Variants in WDR7 observed in about 807,000 individuals in gnomAD.
WDR7 encodes the protein WD repeat-containing protein 7.
WDR7 carries 46 observed loss-of-function variants against 169.4 expected under a neutral mutation model. That is an observed-to-expected ratio of 0.27 (90% CI 0.21 to 0.35). WDR7 has a LOEUF of 0.35. WDR7 is among the 10% of genes least tolerant of loss of function. The pLI, the probability that WDR7 is intolerant of heterozygous loss-of-function variation, is 1.00. For synonymous variants in WDR7, 612 were observed against 666.8 expected (o/e 0.92, Z 1.27); for missense variants, 1,534 against 1,859.3 (o/e 0.83, Z 3.22).
chr18:56,788,575 T>C (rs1473250194), intron 19 of WDR7, among the ~76,000 whole-genome samples: 6 of 152,168 alleles, frequency 3.9e-5, no homozygotes, highest in Non-Finnish European at 8.8e-5. Flanking sequence ...GTGCTGTCCC[T>C]CTTGGTTCCT....
chr18:56,880,970 A>G (rs1030444967), intron 21 of WDR7, among the ~76,000 whole-genome samples: 1 of 152,234 alleles, frequency 6.6e-6, no homozygotes, highest in Non-Finnish European at 1.5e-5. Context: ...ATATAGTCCA[A>G]CTGAATACAT....
chr18:56,965,536 A>G (rs1354733066), intron 26 of WDR7, among the ~76,000 whole-genome samples: 1 of 151,804 alleles, frequency 6.6e-6, no homozygotes, highest in Non-Finnish European at 1.5e-5. Flanking sequence ...TGAAATATGA[A>G]TTGTCCTTAT....
At chr18:56,741,137 C>A (rs77955550) in intron 14 of WDR7, among the ~76,000 whole-genome samples, 5,852 of 152,078 alleles carry the variant, frequency 0.038, 344 homozygotes, top group African/African-American at 0.13. Context: ...GCTATGAATG[C>A]TTTTTATATT....
intron 13 of WDR7, chr18:56,721,531 A>C (rs1402971845): frequency 6.6e-6 from 1 of 152,230 alleles, no homozygotes; most frequent in Non-Finnish European, 1.5e-5. Context: ...AAACACTAGC[A>C]ACAAGATTTA....
intron 26 of WDR7, among the ~76,000 whole-genome samples, chr18:56,984,528 A>G (rs1460885023): frequency 6.6e-6 from 1 of 152,222 alleles, no homozygotes; most frequent in Non-Finnish European, 1.5e-5. Context: ...CACCAAAGTT[A>G]ACAAAGTAAA....
intron 20 of WDR7, among the ~76,000 whole-genome samples, chr18:56,839,278 A>T (rs1011182064): frequency 6.6e-6 from 1 of 152,180 alleles, no homozygotes; most frequent in African/African-American, 2.4e-5. Context: ...ATTAAAGAGA[A>T]TAATATAATG....
intron 14 of WDR7, among the ~76,000 whole-genome samples, chr18:56,750,679 A>T (rs772073841): frequency 2.0e-5 from 3 of 152,242 alleles, no homozygotes; most frequent in Non-Finnish European, 2.9e-5. Context: ...TTAAGAATAT[A>T]AGCTCATTTG....
chr18:56,993,511 C>T (rs999792124), intron 26 of WDR7, among the ~76,000 whole-genome samples: 2 of 151,958 alleles, frequency 1.3e-5, no homozygotes, highest in Admixed American at 6.6e-5. Context: ...AAAAGTGTGA[C>T]GTCGTGTCTA....
chr18:56,982,524 A>G (rs1157709376), intron 26 of WDR7, among the ~76,000 whole-genome samples: 2 of 152,164 alleles, frequency 1.3e-5, no homozygotes, highest in South Asian at 2.1e-4. Context: ...CTATTTTCAC[A>G]TGGTTTAGGC....
intron 26 of WDR7, among the ~76,000 whole-genome samples, chr18:56,963,261 A>C (rs1026148611): frequency 3.3e-5 from 5 of 152,138 alleles, no homozygotes; most frequent in Admixed American, 2.6e-4. Context: ...GATCATGGTA[A>C]ATTTATAATG....
intron 20 of WDR7, among the ~76,000 whole-genome samples, chr18:56,826,705 A>G (rs2045210556): frequency 6.6e-6 from 1 of 152,230 alleles, no homozygotes; most frequent in Non-Finnish European, 1.5e-5. Context: ...TTTATCCTAA[A>G]TAAAGATGGA....
intron 1 of WDR7, among the ~76,000 whole-genome samples, chr18:56,661,997 G>C (rs2024913850): frequency 6.6e-6 from 1 of 152,160 alleles, no homozygotes; most frequent in South Asian, 2.1e-4. Context: ...CTGAGAATTT[G>C]AATAAACCTT....
At chr18:56,706,461 G>C (rs1053782554) in intron 12 of WDR7, among the ~76,000 whole-genome samples, 1 of 152,148 alleles carries the variant, frequency 6.6e-6, no homozygotes, top group African/African-American at 2.4e-5. Context: ...GGCATTAGCA[G>C]GTTACTTAAC....
At chr18:57,007,742 ATG>A (rs1385448121) in intron 26 of WDR7, among the ~76,000 whole-genome samples, 1 of 152,172 alleles carries the variant, frequency 6.6e-6, no homozygotes, top group Admixed American at 6.5e-5. Context: ...CAGGTCTACA[ATG>A]TGTACAATGA....
rs1244595383 is a variant in WDR7 at position 56,958,766 on chromosome 18, C to T, written c.4065-3664C>T. 4.0e-4 allele frequency among the ~76,000 whole-genome samples: 61 copies of T among 151,996 alleles called. 2 individuals are homozygous for T. The highest frequency in any genetic ancestry group is 3.9e-3 in the Admixed American group (60 of 15,236). ...TGCCATTTTTGGACAGTTTTTGTTT[C>T]CTTTGTTGTTCATCTCAATTATTAC... On this transcript the variant is annotated intron_variant, in intron 25 of 27. Transcript: ENST00000254442.
At chr18:56,856,589 T>A (rs1475203890) in intron 20 of WDR7, among the ~76,000 whole-genome samples, 3 of 151,812 alleles carry the variant, frequency 2.0e-5, no homozygotes, top group South Asian at 4.1e-4. Flanking sequence ...AAATCTTTTT[T>A]AATTTAAATA....
intron 14 of WDR7, among the ~76,000 whole-genome samples, chr18:56,742,974 A>G (rs1333746992): frequency 7.2e-5 from 11 of 152,214 alleles, no homozygotes; most frequent in Admixed American, 7.2e-4. Context: ...CCCTACTCTC[A>G]AAAGGAATTA....
At chr18:56,897,985 AC>A (rs769419207) in intron 21 of WDR7, among the ~76,000 whole-genome samples, 23 of 151,918 alleles carry the variant, frequency 1.5e-4, no homozygotes, top group Non-Finnish European at 2.9e-4. Flanking sequence ...CAAAGTCCAT[AC>A]CTATAGCAAA....
At chr18:57,013,498 A>C (rs577853440) in intron 26 of WDR7, among the ~76,000 whole-genome samples, 5 of 152,196 alleles carry the variant, frequency 3.3e-5, no homozygotes, top group Non-Finnish European at 7.3e-5. Flanking sequence ...TATATGATGC[A>C]ATTTTATCAA....
Sources: gnomAD v4.1 joint callset for allele counts (sites outside exome capture counted in the v4.1 genomes callset) on GRCh38, gnomAD v4.1.1 for gene constraint, MANE v1.5 for transcripts, NCBI Gene and HGNC (gene_info 2026-07-23, HGNC 2026-07-21) for gene names.